ZNF329: variants seen among roughly 807,000 people sequenced by gnomAD.
ZNF329 encodes zinc finger protein 329.
Under a neutral mutation model 26.6 loss-of-function variants are expected in ZNF329, and 15 were observed. That is an observed-to-expected ratio of 0.56 (90% CI 0.38 to 0.87). The LOEUF is 0.87. Among genes scored for constraint, ZNF329 ranks in the 40% least tolerant of loss-of-function variants. The probability of loss-of-function intolerance (pLI) is 0.00; values close to 1 mark genes in which losing one functional copy is unlikely to be tolerated. For synonymous variants in ZNF329, 239 were observed against 233.5 expected, an observed-to-expected ratio of 1.02 and a Z score of -0.21; for missense variants, 651 against 651.9, an observed-to-expected ratio of 1.00 and a Z score of 0.02.
intron 1 of ZNF329, 128 bp downstream of exon 1, chr19:58,150,624 C>T (rs967232666): frequency 6.5e-6 from 1 of 152,820 alleles, no homozygotes; most frequent in Non-Finnish European, 1.5e-5. Context: ...TGCCCACCAC[C>T]CAGGTGAAAC....
In ZNF329 at chr19:58,129,513, T is replaced by A. The variant is rs758910591; in HGVS notation, c.-8-2A>T. On this transcript the variant is annotated splice_acceptor_variant, in intron 3 of 3. Transcript: ENST00000598312. LOFTEE classifies it low-confidence loss of function (5UTR_SPLICE). ...TCATTTTCAATCTCATATCCCAAACTGCAAAAAGAAGAAAAATGCAGACTT... is the reference window on the plus strand; with the variant it reads ...TCATTTTCAATCTCATATCCCAAACAGCAAAAAGAAGAAAAATGCAGACTT... 1 of 1,567,630 alleles carries A rather than the reference T, an allele frequency of 6.4e-7. No individual in the cohort carries two copies. Among genetic ancestry groups the A allele is most frequent in the East Asian group, 2.3e-5 (1 of 44,428 alleles).
In ZNF329 at chr19:58,144,468, A is replaced by G. The variant is rs183003410; in HGVS notation, c.-207-1270T>C. On this transcript the variant is annotated intron_variant, in intron 1 of 3. Transcript: ENST00000598312. ...AGTGGCGCGATCTCGGCTCACTGCA[A>G]CCTCCGCTTCCTGGGTTCAAGTGAC... is the stretch of plus-strand genomic sequence containing the variant. Among the ~76,000 whole-genome samples, 675 of 151,324 alleles carry G rather than the reference A, an allele frequency of 4.5e-3. 2 individuals are homozygous for G. The highest frequency in any genetic ancestry group is 0.016 in the African/African-American group (649 of 41,150).
Position 58,129,176 on chromosome 19 carries a change from A to G in ZNF329, c.328T>C (p.Tyr110His), listed in dbSNP as rs2074878112. ...CTCTTATCTGCATAACTTTTAGGATAGCTGGGTAAGGCGGGGTCACAATCC... is the reference window on the plus strand; with the variant it reads ...CTCTTATCTGCATAACTTTTAGGATGGCTGGGTAAGGCGGGGTCACAATCC... ...GLDCDPALPS[Y>H]PKSYADKRTG... Residue 110 changes from tyrosine (Y) to histidine (H), a missense_variant, in exon 4 of 4, where the codon TAT (tyrosine) becomes CAT (histidine). By Grantham distance (83) the Tyr-to-His change is moderately conservative. Coordinates refer to ENST00000598312, the MANE Select transcript of ZNF329 (RefSeq NM_024620.4). The G allele has an allele frequency of 6.2e-7, 1 of 1,614,180 alleles. No individual in the cohort carries two copies. The highest frequency in any genetic ancestry group is 1.3e-5 in the African/African-American group (1 of 75,036).
chr19:58,138,863 G>T (rs2075126167), intron 3 of ZNF329, among the ~76,000 whole-genome samples: 1 of 151,858 alleles, frequency 6.6e-6, no homozygotes. Context: ...TAGGCATGGT[G>T]GTGCACATCT....
chr19:58,140,131 G>A (rs1368218957), intron 3 of ZNF329, among the ~76,000 whole-genome samples: 1 of 152,180 alleles, frequency 6.6e-6, no homozygotes, highest in African/African-American at 2.4e-5. Flanking sequence ...TTGGGTCATG[G>A]AGGTGGAACC....
chr19:58,131,368 T>C (rs1011904646), intron 3 of ZNF329, among the ~76,000 whole-genome samples: 2 of 151,818 alleles, frequency 1.3e-5, no homozygotes, highest in Non-Finnish European at 2.9e-5. Flanking sequence ...TGAGCTGTAA[T>C]TGTGCCACTG....
At position 58,127,384 on chromosome 19, in the gene ZNF329, C is replaced by T. The variant is rs1222494909; in HGVS notation, c.*494G>A. On this transcript the variant is annotated 3_prime_UTR_variant, in exon 4 of 4. Coordinates refer to ENST00000598312, the MANE Select transcript of ZNF329 (RefSeq NM_024620.4). ...AGGCATGGTGGCAGGCACCTGTAAT[C>T]CTAGCTACTTTGGAGGCTGAGGCAG... The T allele has an allele frequency of 6.6e-6, 1 of 152,632 alleles. No homozygotes were observed. The highest frequency in any genetic ancestry group is 2.1e-4 in the South Asian group (1 of 4,822). The allele number at this position is 152,632 out of a possible 1,614,324, so 9.5% of individuals were successfully genotyped here.
chr19:58,144,534 C>T lies in ZNF329; in HGVS notation c.-207-1336G>A, dbSNP rs977773027. On this transcript the variant is annotated intron_variant, in intron 1 of 3. Transcript: ENST00000598312. Reference sequence around the variant, plus strand: ...TCCCGAGTAGTTGGGATTACAGGCACGCGTCACCACACTCGGCTAATTGTT... The same window carrying T: ...TCCCGAGTAGTTGGGATTACAGGCATGCGTCACCACACTCGGCTAATTGTT... Among the ~76,000 whole-genome samples, 7 of 151,632 alleles carry T rather than the reference C, an allele frequency of 4.6e-5. No individual in the cohort carries two copies. The East Asian group carries it at 9.7e-4, about 21-fold the overall frequency.
rs34583536 is a variant in ZNF329, at chr19:58,140,874, A to AT, written c.-9+1682dup. On this transcript the variant is annotated intron_variant, in intron 3 of 3. Transcript: ENST00000598312. Reference sequence around the variant, plus strand: ...CCACAGTTGCACACCATCACACATAATTTTTTTTTTTTTTTTGAGTTAGAA... The same window carrying AT: ...CCACAGTTGCACACCATCACACATAATTTTTTTTTTTTTTTTTGAGTTAGAA... Among the ~76,000 whole-genome samples, 540 of 133,930 alleles carry AT rather than the reference A, an allele frequency of 4.0e-3. 3 individuals are homozygous for AT. Among genetic ancestry groups the AT allele is most frequent in the South Asian group, 6.1e-3 (26 of 4,228 alleles). 87.9% of individuals were successfully genotyped at this position (133,930 alleles called of 152,430 possible).
intron 1 of ZNF329, among the ~76,000 whole-genome samples, chr19:58,144,172 ATTTTTT>A (rs972003632): frequency 2.0e-5 from 3 of 151,818 alleles, no homozygotes; most frequent in African/African-American, 7.3e-5. Flanking sequence ...TGTTGTTGTT[ATTTTTT>A]ATTTTTTTAT....
intron 1 of ZNF329, among the ~76,000 whole-genome samples, chr19:58,148,994 G>A (rs1173589549): frequency 6.6e-6 from 1 of 152,182 alleles, no homozygotes; most frequent in Non-Finnish European, 1.5e-5. Context: ...AGACAGTTAA[G>A]GCATTCTAGG....
At chr19:58,148,729 T>C (rs1440564368) in intron 1 of ZNF329, among the ~76,000 whole-genome samples, 1 of 152,176 alleles carries the variant, frequency 6.6e-6, no homozygotes, top group Non-Finnish European at 1.5e-5. Context: ...TTACTTTTCT[T>C]ATGAGATCCT....
chr19:58,144,204 T>A (rs1237594449), intron 1 of ZNF329, among the ~76,000 whole-genome samples: 1 of 151,870 alleles, frequency 6.6e-6, no homozygotes, highest in East Asian at 1.9e-4. Context: ...AGATGGAGTC[T>A]TGCTCTGTTG....
intron 3 of ZNF329, among the ~76,000 whole-genome samples, chr19:58,135,276 A>AT (rs1175383982): frequency 0.019 from 2,790 of 147,760 alleles, 78 homozygotes; most frequent in African/African-American, 0.064. Context: ...TATCTATTTA[A>AT]TTTTTTTTTT....
upstream of ZNF329, among the ~76,000 whole-genome samples, chr19:58,153,064 A>G (rs1363443577): frequency 6.6e-6 from 1 of 152,176 alleles, no homozygotes; most frequent in East Asian, 1.9e-4. Flanking sequence ...ATTCAGTGGC[A>G]AAGAGAAATC....
In ZNF329 at chr19:58,128,151, A is replaced by G. The variant is rs2074843675; in HGVS notation, c.1353T>C (p.Gly451=). 5 of 1,587,402 alleles carry G rather than the reference A, an allele frequency of 3.1e-6. No homozygotes were observed. Among genetic ancestry groups the G allele is most frequent in the South Asian group, 2.3e-5 (2 of 86,296 alleles). The change falls in exon 4 of 4, where the codon GGT becomes GGC. Residue 451 remains glycine (G), a synonymous_variant. Coordinates refer to ENST00000598312, the MANE Select transcript of ZNF329 (RefSeq NM_024620.4). The part of the protein sequence containing the change: ...GLIRHQRTHT[G]EKPYECNQCG... Reference sequence around the variant, plus strand: ...ACTGATTACACTCATAGGGCTTCTCACCAGTATGAGTCCTCTGGTGCCTAA... The same window carrying G: ...ACTGATTACACTCATAGGGCTTCTCGCCAGTATGAGTCCTCTGGTGCCTAA...
intron 3 of ZNF329, chr19:58,132,744 A>T (rs533978491): frequency 6.6e-6 from 1 of 151,786 alleles, no homozygotes; most frequent in Admixed American, 6.6e-5. Flanking sequence ...TTCCACTGGT[A>T]GGTATCTCAG....
At chr19:58,133,933 T>C (rs2075009353) in intron 3 of ZNF329, among the ~76,000 whole-genome samples, 1 of 152,112 alleles carries the variant, frequency 6.6e-6, no homozygotes, top group South Asian at 2.1e-4. Context: ...TAGACTAATA[T>C]ACTAGACAAC....
chr19:58,148,415 G>A (rs1224279458), intron 1 of ZNF329, among the ~76,000 whole-genome samples: 11 of 145,568 alleles, frequency 7.6e-5, no homozygotes, highest in African/African-American at 2.6e-4. Context: ...AAAAAAGAGA[G>A]GAAGGTAAAA....
Sources: allele counts gnomAD v4.1 joint callset (sites outside exome capture counted in the v4.1 genomes callset), GRCh38; gene constraint gnomAD v4.1.1; transcripts MANE v1.5; gene names NCBI Gene and HGNC (gene_info 2026-07-23, HGNC 2026-07-21).